Variants in TRIM25 observed in about 807,000 individuals in gnomAD.
TRIM25 encodes the protein tripartite motif containing 25.
A neutral mutation model predicts 65.2 loss-of-function variants in TRIM25; 45 were observed. That is an observed-to-expected ratio of 0.69 (90% confidence interval 0.54 to 0.89). The LOEUF (loss-of-function observed/expected upper bound fraction) is 0.89, where lower values mean the gene tolerates loss of function less well. TRIM25 is among the 40% of genes least tolerant of loss of function. The pLI, the probability that TRIM25 is intolerant of heterozygous loss-of-function variation, is 0.00. For synonymous variants in TRIM25, 321 were observed against 340.4 expected, an observed-to-expected ratio of 0.94 and a Z score of 0.63; for missense variants, 714 against 803.7, an observed-to-expected ratio of 0.89 and a Z score of 1.35.
chr17:56,904,386 C>G lies in TRIM25; in HGVS notation c.796G>C (p.Glu266Gln). 1 of 1,614,132 alleles carries G rather than the reference C, an allele frequency of 6.2e-7. No homozygotes were observed. Among genetic ancestry groups the G allele is most frequent in the Non-Finnish European group, 8.5e-7 (1 of 1,180,028 alleles). Residue 266 changes from glutamate to glutamine, a missense_variant, in exon 3 of 9, where the codon GAG becomes CAG. Coordinates refer to ENST00000316881, the MANE Select transcript of TRIM25 (RefSeq NM_005082.5). ...AACTTGCTGTTGACCCTCTTCTCCT[C>G]TTCCTTTATCTTCCTTGTCGAGGTG... ...ETTSTRKIKE[E>Q]EKRVNSKFDT...
chr17:56,892,366 C>T lies in TRIM25; in HGVS notation c.1364-137G>A, dbSNP rs1351938483. 5.7e-6 allele frequency: 5 copies of T among 875,100 alleles called. No individual in the cohort carries two copies. The South Asian group carries it at 7.0e-5, about 12-fold the overall frequency. 54.2% of individuals were successfully genotyped at this position (875,100 alleles called of 1,614,324 possible). On this transcript the variant is annotated intron_variant, in intron 8 of 8. Transcript: ENST00000316881. ...CTACCCATTGGTCCATCCATCCACTCATCTATCCATCTGTCTGTCTATTCA... is the reference window on the plus strand; with the variant it reads ...CTACCCATTGGTCCATCCATCCACTTATCTATCCATCTGTCTGTCTATTCA...
intron 3 of TRIM25, among the ~76,000 whole-genome samples, chr17:56,903,873 G>A (rs576984205): frequency 3.9e-5 from 6 of 152,168 alleles, no homozygotes; most frequent in Middle Eastern, 3.4e-3. Flanking sequence ...AGGAAATTGC[G>A]GGGGGCCTCA....
At chr17:56,911,179 G>A (rs1434755461) in intron 1 of TRIM25, among the ~76,000 whole-genome samples, 3 of 152,176 alleles carry the variant, frequency 2.0e-5, no homozygotes, top group Non-Finnish European at 4.4e-5. Flanking sequence ...TGAGGCAGGA[G>A]GATCACCTGA....
In TRIM25 at chr17:56,896,369, G is replaced by C. The variant is rs142791244; in HGVS notation, c.1154-417C>G. Among the ~76,000 whole-genome samples, 16 of 150,314 alleles carry C rather than the reference G, an allele frequency of 1.1e-4. No individual in the cohort carries two copies. The South Asian group carries it at 2.9e-3, about 28-fold the overall frequency. ...TCAGAAAAAAAAAAATGCTTGCCAA[G>C]GGCTGGGCGCATGGTGGCTCATGCC... is the stretch of plus-strand genomic sequence containing the variant. On this transcript the variant is annotated intron_variant, in intron 5 of 8. Transcript: ENST00000316881.
At chr17:56,893,762 G>T (rs867292975) in intron 8 of TRIM25, among the ~76,000 whole-genome samples, 2 of 152,210 alleles carry the variant, frequency 1.3e-5, no homozygotes, top group African/African-American at 4.8e-5. Flanking sequence ...GGAAACCCAG[G>T]GGGGTATAGC....
At chr17:56,896,850 A>T (rs1301579233) in intron 5 of TRIM25, among the ~76,000 whole-genome samples, 1 of 152,098 alleles carries the variant, frequency 6.6e-6, no homozygotes, top group Non-Finnish European at 1.5e-5. Context: ...TACTCCTGTA[A>T]TCCCAGCAAT....
chr17:56,897,339 A>T (rs774162140), intron 5 of TRIM25, among the ~76,000 whole-genome samples: 5 of 152,168 alleles, frequency 3.3e-5, no homozygotes, highest in Non-Finnish European at 4.4e-5. Flanking sequence ...AGGACACCTG[A>T]CATTACAGAT....
chr17:56,903,962 G>A (rs910836464), intron 3 of TRIM25, among the ~76,000 whole-genome samples: 2 of 152,178 alleles, frequency 1.3e-5, no homozygotes, highest in East Asian at 3.8e-4. Flanking sequence ...AAAGGAAACA[G>A]CCTGGCCATC....
In TRIM25 at chr17:56,889,599, ACT is replaced by A. The variant is rs1177094507; in HGVS notation, c.*2099_*2100del. 2.5e-6 allele frequency: 1 copy of A among 395,946 alleles called. No individual in the cohort carries two copies. The highest frequency in any genetic ancestry group is 4.4e-6 in the Non-Finnish European group (1 of 225,150). The allele number at this position is 395,946 out of a possible 1,614,324, so 24.5% of individuals were successfully genotyped here. On this transcript the variant is annotated 3_prime_UTR_variant, in exon 9 of 9. Coordinates refer to ENST00000316881, the MANE Select transcript of TRIM25 (RefSeq NM_005082.5). ...GAGCTTGGCTTTGGTTACCTACTTGACTCTCTTTTAAACAGAGGGTCTTATGC... is the reference window on the plus strand; with the variant it reads ...GAGCTTGGCTTTGGTTACCTACTTGACTCTTTTAAACAGAGGGTCTTATGC...
chr17:56,913,638 C>T lies in TRIM25; in HGVS notation c.351G>A (p.Lys117=). The T allele has an allele frequency of 6.2e-7, 1 of 1,600,948 alleles. No homozygotes were observed. The highest frequency in any genetic ancestry group is 1.1e-5 in the South Asian group (1 of 90,036). The change falls in exon 1 of 9, where the codon AAG becomes AAA. Residue 117 remains lysine, a synonymous_variant. Coordinates refer to ENST00000316881, the MANE Select transcript of TRIM25 (RefSeq NM_005082.5). The surrounding 1 kb of genome is among the most constrained non-coding windows in gnomAD (Gnocchi z 6.1). ...CDHCLKEAAV[K]TCLVCMASFC... ...AGGAGGCCATGCACACCAAGCACGT[C>T]TTCACGGCGGCCTCCTTCAGGCAGT...
intron 5 of TRIM25, among the ~76,000 whole-genome samples, chr17:56,896,748 AG>A (rs1210854711): frequency 6.6e-6 from 1 of 152,098 alleles, no homozygotes; most frequent in African/African-American, 2.4e-5. Context: ...TGGCTAAAAT[AG>A]TCGTTCTCAA....
In TRIM25 at chr17:56,913,560, G is replaced by A. The variant is rs564168945; in HGVS notation, c.429C>T (p.His143=). 7.6e-5 allele frequency: 122 copies of A among 1,613,484 alleles called. 1 individual carries two copies. The South Asian group carries it at 1.2e-3, about 16-fold the overall frequency. Residue 143 remains histidine, a synonymous_variant, in exon 1 of 9, where the codon CAC becomes CAT. Coordinates refer to ENST00000316881, the MANE Select transcript of TRIM25 (RefSeq NM_005082.5). This position sits in a 1 kb window ranked among gnomAD's most constrained non-coding sequence, Gnocchi z 6.1. ...GGTCGCGAACGGGCGGCTGCAGCGGGTGGTCCTGGAAGGCGGGGCTGTCGA... is the reference window on the plus strand; with the variant it reads ...GGTCGCGAACGGGCGGCTGCAGCGGATGGTCCTGGAAGGCGGGGCTGTCGA... ...PHFDSPAFQD[H]PLQPPVRDLL...
Position 56,913,362 on chromosome 17 carries a change from G to A in TRIM25, c.597+30C>T, listed in dbSNP as rs752095108. On this transcript the variant is annotated intron_variant, in intron 1 of 8. Transcript: ENST00000316881. The surrounding 1 kb of genome is among the most constrained non-coding windows in gnomAD (Gnocchi z 6.1). The stretch of plus-strand genomic sequence containing the variant: ...TCTGCACCACCCATCAGGCCAGGCT[G>A]CCCTCTGCACCCAGCAGGCCGTTCC... The A allele has an allele frequency of 6.6e-7, 1 of 1,522,776 alleles. No individual in the cohort carries two copies. The highest frequency in any genetic ancestry group is 1.3e-5 in the South Asian group (1 of 78,116). 94.3% of individuals were successfully genotyped at this position (1,522,776 alleles called of 1,614,324 possible).
At chr17:56,901,091 C>CA (rs1365939435) in intron 4 of TRIM25, among the ~76,000 whole-genome samples, 1 of 152,152 alleles carries the variant, frequency 6.6e-6, no homozygotes, top group African/African-American at 2.4e-5. Flanking sequence ...CCAAACGGGC[C>CA]ATTCCCCCAC....
chr17:56,898,904 C>T (rs780311107), intron 5 of TRIM25: 46 of 563,268 alleles, frequency 8.2e-5, no homozygotes, highest in Non-Finnish European at 1.4e-4. Flanking sequence ...AGGCATCTTG[C>T]TGTTCCAGGC....
chr17:56,904,411 G>C lies in TRIM25; in HGVS notation c.771C>G (p.Thr257=), dbSNP rs1909478766. Residue 257 remains threonine, a synonymous_variant, in exon 3 of 9, where the codon ACC becomes ACG. Transcript: ENST00000316881. The part of the protein sequence containing the change: ...EMKALLDASE[T]TSTRKIKEEE... ...CTTCCTTTATCTTCCTTGTCGAGGT[G>C]GTCTCTGAGGCGTCCAAGAGAGCCT... The C allele has an allele frequency of 6.2e-7, 1 of 1,614,052 alleles. No homozygotes were observed. Among genetic ancestry groups the C allele is most frequent in the Admixed American group, 1.7e-5 (1 of 60,016 alleles).
intron 3 of TRIM25, among the ~76,000 whole-genome samples, chr17:56,902,566 C>G (rs182977877): frequency 9.3e-4 from 142 of 152,252 alleles, no homozygotes; most frequent in Middle Eastern, 3.4e-3. Context: ...GCATGGCATC[C>G]CACCCACACC....
chr17:56,893,068 C>T (rs1003999810), intron 8 of TRIM25, among the ~76,000 whole-genome samples: 1 of 152,188 alleles, frequency 6.6e-6, no homozygotes, highest in African/African-American at 2.4e-5. Context: ...AGAGTGAAGC[C>T]ACGGAGTGCC....
intron 1 of TRIM25, among the ~76,000 whole-genome samples, chr17:56,910,654 G>C (rs1909608700): frequency 6.6e-6 from 1 of 152,212 alleles, no homozygotes. Context: ...CCAGACCAAA[G>C]GAAAGTGACC....
Sources: gnomAD v4.1 joint callset for allele counts (sites outside exome capture counted in the v4.1 genomes callset) on GRCh38, gnomAD v4.1.1 for gene constraint, Gnocchi (gnomAD v3.1) non-coding constraint, MANE v1.5 for transcripts, NCBI Gene and HGNC (gene_info 2026-07-23, HGNC 2026-07-21) for gene names.